The following ARFGEF3 variants were observed in gnomAD, a reference collection of about 807,000 sequenced individuals.
ARFGEF3 encodes ARFGEF family member 3.
Under a neutral mutation model 221.7 loss-of-function variants are expected in ARFGEF3, and 96 were observed. The observed-to-expected ratio is 0.43, with a 90% confidence interval of 0.37 to 0.51. ARFGEF3 has a LOEUF of 0.51. ARFGEF3 is among the 20% of genes least tolerant of loss of function. The pLI, the probability that ARFGEF3 is intolerant of heterozygous loss-of-function variation, is 0.00. For synonymous variants in ARFGEF3, 1,145 were observed against 1,126.8 expected (o/e 1.02, Z -0.32); for missense variants, 2,410 against 2,789.9 (o/e 0.86, Z 3.07).
intron 6 of ARFGEF3, among the ~76,000 whole-genome samples, chr6:138,240,976 T>A (rs1329854606): frequency 6.6e-6 from 1 of 152,130 alleles, no homozygotes; most frequent in Non-Finnish European, 1.5e-5. Flanking sequence ...GACCCCCAAA[T>A]TTTTTATGCC....
Position 138,286,807 on chromosome 6 carries a change from C to T in ARFGEF3, c.2676C>T (p.Ala892=). 1 of 1,614,062 alleles carries T rather than the reference C, an allele frequency of 6.2e-7. No individual in the cohort carries two copies. Among genetic ancestry groups the T allele is most frequent in the African/African-American group, 1.3e-5 (1 of 75,070 alleles). Reference sequence around the variant, plus strand: ...TGGCGGGGAGCTCCAAAGGGCTGGCCTTCATTCTGGGAGCTGAAGGCATCA... The same window carrying T: ...TGGCGGGGAGCTCCAAAGGGCTGGCTTTCATTCTGGGAGCTGAAGGCATCA... The part of the protein sequence containing the change: ...GRMAGSSKGL[A]FILGAEGIKE... Residue 892 remains alanine, a synonymous_variant, in exon 16 of 34, where the codon GCC becomes GCT. Transcript: ENST00000251691.
At position 138,291,791 on chromosome 6, in the gene ARFGEF3, C is replaced by T; in HGVS notation, c.3106C>T (p.Pro1036Ser). 1 of 1,469,124 alleles carries T rather than the reference C, an allele frequency of 6.8e-7. No individual in the cohort carries two copies. Among genetic ancestry groups the T allele is most frequent in the Non-Finnish European group, 9.0e-7 (1 of 1,109,472 alleles). 91.0% of individuals were successfully genotyped at this position (1,469,124 alleles called of 1,614,324 possible). The change falls in exon 19 of 34, where the codon CCC (proline) becomes TCC (serine). Residue 1036 changes from proline (P) to serine (S), a missense_variant. Pro to Ser is a moderately conservative substitution (Grantham distance 74). Coordinates refer to ENST00000251691, the MANE Select transcript of ARFGEF3 (RefSeq NM_020340.5). The surrounding 1 kb of genome is among the most constrained non-coding windows in gnomAD (Gnocchi z 4.5). Reference sequence around the variant, plus strand: ...CCACTTCAGCGATGGTGCCTCGCAGCCCCCTCTGACCATCAGCCAGCCCCA... The same window carrying T: ...CCACTTCAGCGATGGTGCCTCGCAGTCCCCTCTGACCATCAGCCAGCCCCA... ...HNHFSDGASQ[P>S]PLTISQPQKA...
chr6:138,280,799 C>T (rs576719270), intron 14 of ARFGEF3, among the ~76,000 whole-genome samples: 5 of 152,136 alleles, frequency 3.3e-5, no homozygotes, highest in East Asian at 1.9e-4. Context: ...TGCAGTGAAC[C>T]GAGATTACAC....
intron 12 of ARFGEF3, among the ~76,000 whole-genome samples, chr6:138,265,145 C>T (rs537709322): frequency 4.7e-4 from 72 of 152,140 alleles, no homozygotes; most frequent in South Asian, 6.2e-4. Flanking sequence ...CCTTGTGATC[C>T]GCCCGCCTTG....
At chr6:138,210,128 G>T in intron 4 of ARFGEF3, 87 bp downstream of exon 4, 1 of 1,375,898 alleles carries the variant, frequency 7.3e-7, no homozygotes. Context: ...ATGCCTCTGC[G>T]TTGTGGTCAT....
At chr6:138,179,322 G>A (rs745841703) in intron 2 of ARFGEF3, among the ~76,000 whole-genome samples, 3 of 152,166 alleles carry the variant, frequency 2.0e-5, no homozygotes, top group Non-Finnish European at 4.4e-5. Context: ...ATTACTCAGT[G>A]CCCCTTTGGG....
At chr6:138,238,768 T>C in intron 6 of ARFGEF3, 137 bp downstream of exon 6, 1 of 737,970 alleles carries the variant, frequency 1.4e-6, no homozygotes. Flanking sequence ...AGAACATTTA[T>C]TTGTACACAT....
At chr6:138,185,279 T>A (rs1405929362) in intron 2 of ARFGEF3, among the ~76,000 whole-genome samples, 1 of 152,216 alleles carries the variant, frequency 6.6e-6, no homozygotes, top group Admixed American at 6.5e-5. Context: ...ATGGTGGATC[T>A]GAAGAAAGAT....
At chr6:138,248,233 G>A (rs968309303) in intron 8 of ARFGEF3, among the ~76,000 whole-genome samples, 5 of 152,142 alleles carry the variant, frequency 3.3e-5, no homozygotes, top group Non-Finnish European at 7.3e-5. Context: ...AGGCATGGCC[G>A]CTGATTGGCT....
chr6:138,206,652 A>G (rs1562352972), intron 2 of ARFGEF3, among the ~76,000 whole-genome samples: 1 of 152,224 alleles, frequency 6.6e-6, no homozygotes, highest in Non-Finnish European at 1.5e-5. Flanking sequence ...AGCAAGGCAT[A>G]GAAATCTACT....
At chr6:138,237,917 C>G (rs1282601600) in intron 5 of ARFGEF3, among the ~76,000 whole-genome samples, 2 of 152,188 alleles carry the variant, frequency 1.3e-5, no homozygotes, top group African/African-American at 4.8e-5. Context: ...CCTGTGGCTA[C>G]CCACCAGGTA....
chr6:138,186,485 A>C (rs1777185221), intron 2 of ARFGEF3, among the ~76,000 whole-genome samples: 1 of 152,236 alleles, frequency 6.6e-6, no homozygotes, highest in South Asian at 2.1e-4. Flanking sequence ...AGAAGGGCAC[A>C]GCCAACTAAG....
In ARFGEF3 at chr6:138,176,243, G is replaced by A. The variant is rs144455605; in HGVS notation, c.137+5530G>A. Among the ~76,000 whole-genome samples, 32 of 148,810 alleles carry A rather than the reference G, an allele frequency of 2.2e-4. No homozygotes were observed. The East Asian group carries it at 5.1e-3, about 24-fold the overall frequency. On this transcript the variant is annotated intron_variant, in intron 2 of 33. Coordinates refer to ENST00000251691, the MANE Select transcript of ARFGEF3 (RefSeq NM_020340.5). ...GTCACCCAGGCTGAAGTGCAGTGGT[G>A]CAATCTCAGCTCACTGCAACCTCCA... is the stretch of plus-strand genomic sequence containing the variant.
intron 20 of ARFGEF3, among the ~76,000 whole-genome samples, chr6:138,296,355 C>G (rs1483060658): frequency 6.6e-6 from 1 of 152,190 alleles, no homozygotes; most frequent in Admixed American, 6.5e-5. Context: ...TGGGCCCATG[C>G]TGAGCACTTT....
intron 4 of ARFGEF3, among the ~76,000 whole-genome samples, chr6:138,214,580 G>T (rs1777799756): frequency 6.6e-6 from 1 of 152,078 alleles, no homozygotes; most frequent in African/African-American, 2.4e-5. Flanking sequence ...TCACATATTG[G>T]TATCTGTTAG....
chr6:138,188,031 A>G lies in ARFGEF3; in HGVS notation c.137+17318A>G, dbSNP rs79962452. On this transcript the variant is annotated intron_variant, in intron 2 of 33. Coordinates refer to ENST00000251691, the MANE Select transcript of ARFGEF3 (RefSeq NM_020340.5). ...TGATAAGCTTTTGCTATAAAATAAT[A>G]GAGTAGGATATAGTGTTTATAATAC... Among the ~76,000 whole-genome samples the G allele has an allele frequency of 4.6e-3, 705 of 152,340 alleles. 28 individuals carry two copies. The East Asian group carries it at 0.11, about 23-fold the overall frequency.
chr6:138,164,401 G>GAGCAAGAGC (rs1342485532), intron 1 of ARFGEF3, among the ~76,000 whole-genome samples: 9 of 152,186 alleles, frequency 5.9e-5, no homozygotes, highest in African/African-American at 2.2e-4. Context: ...GCTCTTGCTA[G>GAGCAAGAGC]TCCTTCTGTA....
At chr6:138,189,265 CTGAG>C (rs1210274571) in intron 2 of ARFGEF3, among the ~76,000 whole-genome samples, 14 of 152,332 alleles carry the variant, frequency 9.2e-5, no homozygotes, top group Non-Finnish European at 1.3e-4. Context: ...AGGGCGTGAA[CTGAG>C]TATGTTCTCA....
rs547861836 is a variant in ARFGEF3 at position 138,169,838 on chromosome 6, T to C, written c.86-824T>C. On this transcript the variant is annotated intron_variant, in intron 1 of 33. Coordinates refer to ENST00000251691, the MANE Select transcript of ARFGEF3 (RefSeq NM_020340.5). The stretch of plus-strand genomic sequence containing the variant: ...TGTTCTTAGCCTTGAGTCTCTGATA[T>C]ATGTATATATTTCACATTTGTTATT... 2.0e-5 allele frequency among the ~76,000 whole-genome samples: 3 copies of C among 152,352 alleles called. No homozygotes were observed. The South Asian group carries it at 6.2e-4, about 32-fold the overall frequency.
Sources: gnomAD v4.1 joint callset for allele counts (sites outside exome capture counted in the v4.1 genomes callset) on GRCh38, gnomAD v4.1.1 for gene constraint, Gnocchi (gnomAD v3.1) non-coding constraint, MANE v1.5 for transcripts, NCBI Gene and HGNC (gene_info 2026-07-23, HGNC 2026-07-21) for gene names.